Variants in CRYBG3 observed in about 807,000 individuals in gnomAD.
The protein encoded by CRYBG3 is crystallin beta-gamma domain containing 3, also known as very large A-kinase anchor protein.
A neutral mutation model predicts 244.2 loss-of-function variants in CRYBG3; 127 were observed. The ratio of observed to expected loss-of-function variants is 0.52; its 90% CI spans 0.45 to 0.60. The LOEUF is 0.60. CRYBG3 is among the 20% of genes least tolerant of loss of function. CRYBG3 has a pLI of 0.00. For missense variants in CRYBG3, 3,325 were observed against 3,442.5 expected (o/e 0.97, Z 0.85); for synonymous variants, 1,132 against 1,195.8 (o/e 0.95, Z 1.10).
chr3:97,881,244 T>C, intron 7 of CRYBG3, 25 bp downstream of exon 7: 1 of 1,462,784 alleles, frequency 6.8e-7, no homozygotes, highest in African/African-American at 1.4e-5. Flanking sequence ...TTTTTCTATT[T>C]TTTATTTGAT....
At chr3:97,850,053 C>G (rs1332733664) in intron 2 of CRYBG3, among the ~76,000 whole-genome samples, 1 of 152,132 alleles carries the variant, frequency 6.6e-6, no homozygotes, top group Non-Finnish European at 1.5e-5. Context: ...GACCTCTCCT[C>G]TCAGATGTCT....
intron 2 of CRYBG3, among the ~76,000 whole-genome samples, chr3:97,846,528 A>G (rs1287561130): frequency 6.6e-6 from 1 of 152,056 alleles, no homozygotes; most frequent in Non-Finnish European, 1.5e-5. Flanking sequence ...ATATCTTCGG[A>G]GATGTTTTTT....
chr3:97,904,185 C>T (rs893082044), intron 15 of CRYBG3, among the ~76,000 whole-genome samples: 6 of 152,080 alleles, frequency 3.9e-5, no homozygotes, highest in Non-Finnish European at 7.4e-5. Context: ...GTTGGTTTCT[C>T]TATGGACAAT....
intron 11 of CRYBG3, among the ~76,000 whole-genome samples, chr3:97,895,106 C>T (rs371105558): frequency 5.9e-5 from 9 of 152,172 alleles, no homozygotes; most frequent in East Asian, 5.8e-4. Context: ...AATTTCCCAA[C>T]CCTGGAGCTC....
At position 97,849,177 on chromosome 3, in the gene CRYBG3, A is replaced by G. The variant is rs1234656583; in HGVS notation, c.216+5916A>G. ...GTGTTTTAGAATTAACTAAGATAAC[A>G]TGTTAAGTACTGTACAATGCCTGAT... On this transcript the variant is annotated intron_variant, in intron 2 of 21. Coordinates refer to ENST00000389622, the MANE Select transcript of CRYBG3 (RefSeq NM_153605.4). Among the ~76,000 whole-genome samples the G allele has an allele frequency of 6.6e-5, 10 of 152,326 alleles. No homozygotes were observed. The South Asian group carries it at 1.4e-3, about 22-fold the overall frequency.
chr3:97,912,620 C>T (rs1351060879), intron 16 of CRYBG3, among the ~76,000 whole-genome samples: 1 of 152,140 alleles, frequency 6.6e-6, no homozygotes, highest in East Asian at 1.9e-4. Flanking sequence ...TCAAGTAAGA[C>T]ATATTAATCC....
At chr3:97,898,037 A>G (rs2039659285) in intron 12 of CRYBG3, among the ~76,000 whole-genome samples, 1 of 151,878 alleles carries the variant, frequency 6.6e-6, no homozygotes, top group Non-Finnish European at 1.5e-5. Flanking sequence ...TGGCTAACAC[A>G]GTGAAACCCC....
In CRYBG3 at chr3:97,876,583, A is replaced by G; in HGVS notation, c.5389A>G (p.Lys1797Glu). The G allele has an allele frequency of 8.1e-7, 1 of 1,232,594 alleles. No individual in the cohort carries two copies. The highest frequency in any genetic ancestry group is 1.0e-6 in the Non-Finnish European group (1 of 988,286). The allele number at this position is 1,232,594 out of a possible 1,614,324, so 76.4% of individuals were successfully genotyped here. Residue 1797 changes from lysine to glutamate, a missense_variant, in exon 4 of 22, where the codon AAG becomes GAG. Lys to Glu is a moderately conservative substitution (Grantham distance 56). This residue lies in a region of CRYBG3 where 635 missense variants were observed against 771.7 expected (regional missense o/e 0.82). Transcript: ENST00000389622. ...TYRKTAEEVI[K>E]NTEIVPCVLK... The stretch of plus-strand genomic sequence containing the variant: ...CCGAAAGACTGCTGAAGAGGTCATT[A>G]AGAATACTGAAATAGTACCGTGTGT...
chr3:97,875,777 A>G lies in CRYBG3; in HGVS notation c.4583A>G (p.Lys1528Arg). The G allele has an allele frequency of 8.1e-7, 1 of 1,231,922 alleles. No individual in the cohort carries two copies. The highest frequency in any genetic ancestry group is 3.2e-5 in the East Asian group (1 of 31,680). The allele number at this position is 1,231,922 out of a possible 1,614,324, so 76.3% of individuals were successfully genotyped here. Residue 1528 changes from lysine (K) to arginine (R), a missense_variant, in exon 4 of 22, where the codon AAG becomes AGG. Physicochemically the swap from Lys to Arg is conservative, Grantham distance 26. This residue lies in a region of CRYBG3 where 635 missense variants were observed against 771.7 expected (regional missense o/e 0.82). Transcript: ENST00000389622. ...TCAGATGTAGGGAAAGTACACAAGA[A>G]GGATAATGAAATAAATATAGGGAAA... ...AMSDVGKVHK[K>R]DNEINIGKIE...
At chr3:97,851,258 T>C (rs2038982073) in intron 2 of CRYBG3, among the ~76,000 whole-genome samples, 1 of 152,234 alleles carries the variant, frequency 6.6e-6, no homozygotes, top group African/African-American at 2.4e-5. Context: ...TTTCAACTTT[T>C]GGCAAAATTT....
At chr3:97,870,498 A>G (rs771792103) in intron 3 of CRYBG3, among the ~76,000 whole-genome samples, 1 of 152,164 alleles carries the variant, frequency 6.6e-6, no homozygotes, top group East Asian at 1.9e-4. Context: ...TTAGTATTCA[A>G]TGGCATATAT....
intron 1 of CRYBG3, among the ~76,000 whole-genome samples, chr3:97,822,580 G>C (rs1005837228): frequency 3.3e-5 from 5 of 152,098 alleles, no homozygotes; most frequent in Admixed American, 2.6e-4. Context: ...GTTCTTGCCC[G>C]GCAGCCGGAC....
At chr3:97,866,540 G>T (rs534120652) in intron 3 of CRYBG3, among the ~76,000 whole-genome samples, 1 of 152,270 alleles carries the variant, frequency 6.6e-6, no homozygotes, top group Non-Finnish European at 1.5e-5. Context: ...CAGGAGTGGG[G>T]CCCAGCAATA....
At chr3:97,854,657 G>A (rs1009600629) in intron 2 of CRYBG3, among the ~76,000 whole-genome samples, 1 of 150,390 alleles carries the variant, frequency 6.6e-6, no homozygotes, top group Non-Finnish European at 1.5e-5. Flanking sequence ...CAGCTTGGTC[G>A]TTGTTGGGGT....
chr3:97,942,250 C>T, intron 20 of CRYBG3, 34 bp from the exon 21 acceptor site: 1 of 1,565,648 alleles, frequency 6.4e-7, no homozygotes, highest in Non-Finnish European at 8.7e-7. Flanking sequence ...AGCAAACATA[C>T]TACTGCCAAT....
chr3:97,901,151 T>C (rs2039702928), intron 15 of CRYBG3, among the ~76,000 whole-genome samples: 1 of 152,122 alleles, frequency 6.6e-6, no homozygotes, highest in African/African-American at 2.4e-5. Context: ...ACATTTCTAG[T>C]ATGGACCGCA....
chr3:97,921,294 C>T (rs2039981911), intron 17 of CRYBG3, among the ~76,000 whole-genome samples: 2 of 152,134 alleles, frequency 1.3e-5, no homozygotes, highest in Non-Finnish European at 2.9e-5. Context: ...ATGCTTTTCA[C>T]TTTCTCCTTT....
chr3:97,872,949 A>G lies in CRYBG3; in HGVS notation c.1755A>G (p.Lys585=), dbSNP rs757741813. 27 of 1,530,962 alleles carry G rather than the reference A, an allele frequency of 1.8e-5. No individual in the cohort carries two copies. Among genetic ancestry groups the G allele is most frequent in the African/African-American group, 5.5e-5 (4 of 72,554 alleles). The allele number at this position is 1,530,962 out of a possible 1,614,324, so 94.8% of individuals were successfully genotyped here. ...AAATTCCTCATATTAGAATGAATAA[A>G]AAAGACCTGGCCTCTTTAAATTACA... ...HDKIPHIRMN[K]KDLASLNYIS... Residue 585 remains lysine (K), a synonymous_variant, in exon 4 of 22, where the codon AAA becomes AAG. Transcript: ENST00000389622.
At chr3:97,844,039 G>GAAAGAA (rs886956592) in intron 2 of CRYBG3, among the ~76,000 whole-genome samples, 2 of 152,106 alleles carry the variant, frequency 1.3e-5, no homozygotes, top group African/African-American at 4.8e-5. Flanking sequence ...AGACTGAAAA[G>GAAAGAA]TTATTTCAAT....
Sources: allele counts gnomAD v4.1 joint callset (sites outside exome capture counted in the v4.1 genomes callset), GRCh38; gene constraint gnomAD v4.1.1; regional missense constraint gnomAD v4.1.1; transcripts MANE v1.5; gene names NCBI Gene and HGNC (gene_info 2026-07-23, HGNC 2026-07-21).